Variants in SLC14A2 observed in about 807,000 individuals in gnomAD.
SLC14A2 encodes solute carrier family 14 member 2, also known as urea transporter 2.
SLC14A2 carries 91 observed loss-of-function variants against 104.6 expected under a neutral mutation model. That is an observed-to-expected ratio of 0.87 (90% CI 0.73 to 1.04). The LOEUF (loss-of-function observed/expected upper bound fraction) is 1.04. Ranked by LOEUF, SLC14A2 falls within the 50% of genes least tolerant of loss-of-function variation. The pLI is 0.00. For missense variants in SLC14A2, 1,189 were observed against 1,156.0 expected (o/e 1.03, Z -0.41); for synonymous variants, 476 against 466.4 (o/e 1.02, Z -0.27).
At chr18:45,637,380 G>T (rs1031599262) in intron 6 of SLC14A2, among the ~76,000 whole-genome samples, 198 bp downstream of exon 6, 11 of 152,152 alleles carry the variant, frequency 7.2e-5, no homozygotes, top group Admixed American at 1.3e-4. Flanking sequence ...ATGTAACATG[G>T]CCTGGACACT....
At chr18:45,493,120 G>C (rs2043031375) in intron 2 of SLC14A2, 1 of 152,140 alleles carries the variant, frequency 6.6e-6, no homozygotes, top group African/African-American at 2.4e-5. Context: ...AGCTCCCCCT[G>C]GTATATGGCC....
the SLC14A2 span, among the ~76,000 whole-genome samples, chr18:45,183,671 C>CTTTA: frequency 6.6e-6 from 1 of 150,602 alleles, no homozygotes; most frequent in Non-Finnish European, 1.5e-5. Context: ...TTTTTTCTGT[C>CTTTA]TTTCTTTCTT....
chr18:45,538,433 C>A (rs1431043679), intron 2 of SLC14A2, among the ~76,000 whole-genome samples: 1 of 152,152 alleles, frequency 6.6e-6, no homozygotes, highest in Non-Finnish European at 1.5e-5. Flanking sequence ...TCCAAGGCCA[C>A]GGTCATTTCA....
intron 1 of SLC14A2, among the ~76,000 whole-genome samples, chr18:45,319,141 C>T (rs974234728): frequency 6.6e-6 from 1 of 152,220 alleles, no homozygotes; most frequent in Non-Finnish European, 1.5e-5. Flanking sequence ...TCTCCATGAG[C>T]CCCAGCTCCT....
intron 1 of SLC14A2, among the ~76,000 whole-genome samples, chr18:45,420,821 A>T (rs914847330): frequency 6.7e-6 from 1 of 149,812 alleles, no homozygotes; most frequent in African/African-American, 2.5e-5. Flanking sequence ...GCTCACGGCA[A>T]CCTCCGCCTC....
intron 2 of SLC14A2, among the ~76,000 whole-genome samples, chr18:45,530,572 C>A (rs995879308): frequency 3.8e-4 from 58 of 152,186 alleles, no homozygotes; most frequent in Non-Finnish European, 7.1e-4. Flanking sequence ...GTCTTGGGAA[C>A]CATCTATGTC....
At chr18:45,249,831 C>A (rs2084403812) in intron 1 of SLC14A2, among the ~76,000 whole-genome samples, 1 of 152,046 alleles carries the variant, frequency 6.6e-6, no homozygotes, top group South Asian at 2.1e-4. Flanking sequence ...CACCTGTAGT[C>A]CTAGCTACTA....
At chr18:45,569,278 T>C (rs4890548) in intron 2 of SLC14A2, among the ~76,000 whole-genome samples, 62,972 of 152,082 alleles carry the variant, frequency 0.41, 13,609 homozygotes, top group East Asian at 0.63. Context: ...AGTTCTCTCT[T>C]TCTACTGGTT....
At chr18:45,212,773 G>A (rs913463749), upstream of SLC14A2, among the ~76,000 whole-genome samples, 1 of 152,144 alleles carries the variant, frequency 6.6e-6, no homozygotes, top group South Asian at 2.1e-4. Context: ...ACTTAAAGAC[G>A]TATAAAACAC....
intron 2 of SLC14A2, among the ~76,000 whole-genome samples, chr18:45,522,463 T>G (rs2144811792): frequency 6.6e-6 from 1 of 152,258 alleles, no homozygotes; most frequent in South Asian, 2.1e-4. Context: ...CCTCAGTCCC[T>G]GCCTCTCATT....
Position 45,673,000 on chromosome 18 carries a change from T to A in SLC14A2, c.2330T>A (p.Leu777His). 1 of 1,614,146 alleles carries A rather than the reference T, an allele frequency of 6.2e-7. No individual in the cohort carries two copies. The highest frequency in any genetic ancestry group is 8.5e-7 in the Non-Finnish European group (1 of 1,179,994). Residue 777 changes from leucine to histidine, a missense_variant, in exon 17 of 20, where the codon CTC (leucine) becomes CAC (histidine). Leu to His is a moderately conservative substitution (Grantham distance 99, BLOSUM62 -3). Coordinates refer to ENST00000255226, the MANE Select transcript of SLC14A2 (RefSeq NM_007163.4). ...ATAGCTCTGTTCATATCCTCACCTC[T>A]CATTTGCTTGCATGCAGCAATTGGA... ...FLIALFISSP[L>H]ICLHAAIGST...
At chr18:45,417,071 T>C (rs1237589924) in intron 1 of SLC14A2, among the ~76,000 whole-genome samples, 1 of 152,186 alleles carries the variant, frequency 6.6e-6, no homozygotes, top group East Asian at 1.9e-4. Context: ...TGGCTCTCTA[T>C]CATAGGCAAT....
intron 18 of SLC14A2, among the ~76,000 whole-genome samples, chr18:45,675,199 C>A (rs192203750): frequency 6.6e-6 from 1 of 152,326 alleles, no homozygotes; most frequent in East Asian, 1.9e-4. Flanking sequence ...GAATTTTAAG[C>A]CCCTGTAGGT....
At chr18:45,313,206 G>A (rs988023125) in intron 1 of SLC14A2, among the ~76,000 whole-genome samples, 19 of 152,146 alleles carry the variant, frequency 1.2e-4, no homozygotes, top group African/African-American at 4.6e-4. Flanking sequence ...CCTCTGGTGA[G>A]GGAAGAATAC....
At chr18:45,674,537 T>C (rs1267633012) in intron 18 of SLC14A2, among the ~76,000 whole-genome samples, 2 of 152,162 alleles carry the variant, frequency 1.3e-5, no homozygotes, top group Non-Finnish European at 2.9e-5. Context: ...GTAAAGCTGC[T>C]GTCTTTTTCA....
At chr18:45,333,266 TTAGA>T (rs368179781) in intron 1 of SLC14A2, among the ~76,000 whole-genome samples, 262 of 152,144 alleles carry the variant, frequency 1.7e-3, no homozygotes, top group Middle Eastern at 0.017. Flanking sequence ...ATGAAAATAT[TTAGA>T]TAGAGGCAAA....
chr18:45,305,413 G>A (rs1215212734), intron 1 of SLC14A2, among the ~76,000 whole-genome samples: 7 of 152,174 alleles, frequency 4.6e-5, no homozygotes, highest in Non-Finnish European at 2.9e-5. Context: ...CATTCACTTA[G>A]AGTGGGACTC....
chr18:45,679,285 G>A (rs372661033), intron 19 of SLC14A2, among the ~76,000 whole-genome samples: 24 of 152,302 alleles, frequency 1.6e-4, no homozygotes, highest in South Asian at 4.1e-4. Flanking sequence ...GCATTATCTT[G>A]TAAATCAAAT....
intron 1 of SLC14A2, among the ~76,000 whole-genome samples, chr18:45,282,845 C>CCT (rs6146298): frequency 1.4e-5 from 2 of 138,824 alleles, no homozygotes; most frequent in Non-Finnish European, 3.2e-5. Context: ...TTCTTTTCTT[C>CCT]TCTTCCTTCT....
Sources: allele counts gnomAD v4.1 joint callset (sites outside exome capture counted in the v4.1 genomes callset), GRCh38; gene constraint gnomAD v4.1.1; transcripts MANE v1.5; gene names NCBI Gene and HGNC (gene_info 2026-07-23, HGNC 2026-07-21).